DNM3: variants seen among roughly 807,000 people sequenced by gnomAD.
DNM3 encodes dynamin 3.
Under a neutral mutation model 101.6 loss-of-function variants are expected in DNM3, and 47 were observed. The ratio of observed to expected loss-of-function variants is 0.46; its 90% CI spans 0.37 to 0.59. The LOEUF is 0.59. Ranked by LOEUF, DNM3 falls within the 20% of genes least tolerant of loss-of-function variation. The pLI, the probability that DNM3 is intolerant of heterozygous loss-of-function variation, is 0.00. For missense variants in DNM3, 849 were observed against 1,085.7 expected (o/e 0.78, Z 3.06); for synonymous variants, 385 against 387.9 (o/e 0.99, Z 0.09).
intron 14 of DNM3, among the ~76,000 whole-genome samples, chr1:172,240,987 A>G (rs1006409657): frequency 6.6e-6 from 1 of 152,134 alleles, no homozygotes. Context: ...TAAAACACTA[A>G]GTATCTGTAC....
intron 14 of DNM3, among the ~76,000 whole-genome samples, chr1:172,211,423 T>A (rs1237378035): frequency 1.3e-5 from 2 of 152,132 alleles, no homozygotes; most frequent in Non-Finnish European, 2.9e-5. Context: ...TCTTATAGTC[T>A]GGGAGACATT....
At chr1:172,043,084 T>A (rs1377096592) in intron 8 of DNM3, among the ~76,000 whole-genome samples, 1 of 152,080 alleles carries the variant, frequency 6.6e-6, no homozygotes, top group Non-Finnish European at 1.5e-5. Context: ...AAGGGGGAAA[T>A]GCTGAGAATT....
At chr1:171,842,385 G>T (rs558358775) in intron 1 of DNM3, among the ~76,000 whole-genome samples, 170 of 152,282 alleles carry the variant, frequency 1.1e-3, no homozygotes, top group Middle Eastern at 0.01. Flanking sequence ...GGGGAGGCGG[G>T]GTGCGAGGAG....
intron 14 of DNM3, among the ~76,000 whole-genome samples, chr1:172,207,066 T>A (rs2060348439): frequency 6.6e-6 from 1 of 151,696 alleles, no homozygotes. Flanking sequence ...CTGTACCCAC[T>A]CATTACACAT....
intron 10 of DNM3, among the ~76,000 whole-genome samples, chr1:172,057,194 T>C (rs200199345): frequency 1.3e-5 from 2 of 152,030 alleles, no homozygotes; most frequent in Admixed American, 1.3e-4. Flanking sequence ...TGGGACTATG[T>C]GAAAAGACCA....
intron 15 of DNM3, among the ~76,000 whole-genome samples, chr1:172,305,483 A>C (rs889146071): frequency 6.6e-6 from 1 of 152,224 alleles, no homozygotes; most frequent in Non-Finnish European, 1.5e-5. Flanking sequence ...TTCCTTCTGA[A>C]ACTATTCCAA....
At chr1:171,974,920 G>T (rs1055343522) in intron 2 of DNM3, among the ~76,000 whole-genome samples, 1 of 151,298 alleles carries the variant, frequency 6.6e-6, no homozygotes. Context: ...GGAGTTAAAG[G>T]CTCACTGCAC....
chr1:172,056,389 A>C (rs1197545264), intron 10 of DNM3, among the ~76,000 whole-genome samples: 1 of 152,254 alleles, frequency 6.6e-6, no homozygotes, highest in Admixed American at 6.5e-5. Context: ...CTCTGGGGGC[A>C]GGGCACAGAC....
chr1:171,925,431 C>T (rs186401452), intron 2 of DNM3, among the ~76,000 whole-genome samples: 1 of 151,992 alleles, frequency 6.6e-6, no homozygotes, highest in East Asian at 1.9e-4. Context: ...GGGGTTTCAT[C>T]ATGTTAGCCA....
At chr1:172,414,425 T>G (rs1353947116), downstream of DNM3, among the ~76,000 whole-genome samples, 1 of 152,252 alleles carries the variant, frequency 6.6e-6, no homozygotes, top group Non-Finnish European at 1.5e-5. Context: ...AATCAAATGT[T>G]TCTTTATTGA....
intron 12 of DNM3, among the ~76,000 whole-genome samples, chr1:172,082,110 T>C (rs771249045): frequency 6.6e-6 from 1 of 152,264 alleles, no homozygotes; most frequent in African/African-American, 2.4e-5. Context: ...GGCTCTATTA[T>C]GCAGCATATG....
At chr1:172,218,707 T>C (rs530431424) in intron 14 of DNM3, among the ~76,000 whole-genome samples, 1 of 152,228 alleles carries the variant, frequency 6.6e-6, no homozygotes, top group East Asian at 1.9e-4. Flanking sequence ...TATTGACTGT[T>C]GGGAGGAAAA....
intron 14 of DNM3, among the ~76,000 whole-genome samples, chr1:172,185,054 TA>T (rs1337116066): frequency 6.6e-6 from 1 of 152,038 alleles, no homozygotes; most frequent in Non-Finnish European, 1.5e-5. Context: ...AGTCAACACA[TA>T]GGGGCAGCTC....
chr1:171,960,488 A>G (rs12031832), intron 2 of DNM3, among the ~76,000 whole-genome samples: 17,587 of 152,162 alleles, frequency 0.12, 1,213 homozygotes, highest in East Asian at 0.33. Flanking sequence ...AACAAGAGAA[A>G]GTGGCAGTGT....
At chr1:172,235,910 G>T (rs538636548) in intron 14 of DNM3, among the ~76,000 whole-genome samples, 1 of 152,074 alleles carries the variant, frequency 6.6e-6, no homozygotes, top group African/African-American at 2.4e-5. Flanking sequence ...ACGAGTTAAT[G>T]GGTGCAGCAC....
intron 18 of DNM3, among the ~76,000 whole-genome samples, chr1:172,379,964 A>C (rs1045449895): frequency 6.6e-6 from 1 of 152,058 alleles, no homozygotes; most frequent in Non-Finnish European, 1.5e-5. Flanking sequence ...TTGACAAGTG[A>C]GACACCAATA....
At chr1:172,016,545 A>T (rs2047467480) in intron 4 of DNM3, among the ~76,000 whole-genome samples, 1 of 152,154 alleles carries the variant, frequency 6.6e-6, no homozygotes, top group Non-Finnish European at 1.5e-5. Context: ...TATTCATAAG[A>T]GATATTGGTC....
At chr1:172,260,837 G>A (rs1334832532) in intron 15 of DNM3, among the ~76,000 whole-genome samples, 2 of 151,842 alleles carry the variant, frequency 1.3e-5, no homozygotes, top group African/African-American at 4.8e-5. Context: ...CACAAGATAT[G>A]CAACATTTCC....
At chr1:171,983,316 A>G (rs1347189260) in intron 2 of DNM3, among the ~76,000 whole-genome samples, 1 of 141,784 alleles carries the variant, frequency 7.1e-6, no homozygotes, top group Non-Finnish European at 1.5e-5. Flanking sequence ...AATTAGCCAG[A>G]TGTGGTGGCA....
Sources: allele counts gnomAD v4.1 joint callset (sites outside exome capture counted in the v4.1 genomes callset), GRCh38; gene constraint gnomAD v4.1.1; transcripts MANE v1.5; gene names NCBI Gene and HGNC (gene_info 2026-07-23, HGNC 2026-07-21).